Variants in KDM4B observed in about 807,000 individuals in gnomAD.
The protein encoded by KDM4B is lysine-specific demethylase 4B.
Under a neutral mutation model 125.2 loss-of-function variants are expected in KDM4B, and 32 were observed. The observed-to-expected ratio is 0.26, with a 90% confidence interval of 0.19 to 0.34. KDM4B has a LOEUF of 0.34. Ranked by LOEUF, KDM4B falls within the 10% of genes least tolerant of loss-of-function variation. The pLI is 1.00. For missense variants in KDM4B, 1,190 were observed against 1,577.7 expected, an observed-to-expected ratio of 0.75 and a Z score of 4.16; for synonymous variants, 721 against 677.9, an observed-to-expected ratio of 1.06 and a Z score of -0.99.
chr19:5,075,653 G>A (rs1388618640), intron 7 of KDM4B: 1 of 152,192 alleles, frequency 6.6e-6, no homozygotes, highest in Non-Finnish European at 1.5e-5. Context: ...GCTGGTGTGA[G>A]TGCCTGTTTC....
At chr19:5,031,024 T>C (rs916704438) in intron 2 of KDM4B, among the ~76,000 whole-genome samples, 1 of 152,148 alleles carries the variant, frequency 6.6e-6, no homozygotes, top group Admixed American at 6.5e-5. Flanking sequence ...CTGGCCCAGC[T>C]CAGGCCGGCA....
chr19:5,114,185 T>C lies in KDM4B; in HGVS notation c.1115+3367T>C, dbSNP rs1248129811. On this transcript the variant is annotated intron_variant, in intron 10 of 22. Coordinates refer to ENST00000159111, the MANE Select transcript of KDM4B (RefSeq NM_015015.3). The surrounding 1 kb of genome is among the most constrained non-coding windows in gnomAD (Gnocchi z 5.8). ...GCGACGCTCCTCCATGCAAACTCTT[T>C]CCACGCGAGAAGCGCCATGTGCACG... 4 of 1,289,590 alleles carry C rather than the reference T, an allele frequency of 3.1e-6. No individual in the cohort carries two copies. The highest frequency in any genetic ancestry group is 2.3e-5 in the Admixed American group (1 of 43,540). The allele number at this position is 1,289,590 out of a possible 1,614,324, so 79.9% of individuals were successfully genotyped here.
chr19:5,080,433 G>C (rs963786872), intron 8 of KDM4B, among the ~76,000 whole-genome samples: 6 of 152,228 alleles, frequency 3.9e-5, no homozygotes, highest in African/African-American at 1.4e-4. Flanking sequence ...GAGCAGACGC[G>C]TTACGAAGGA....
At position 5,151,326 on chromosome 19, in the gene KDM4B, C is replaced by A; in HGVS notation, c.3115-9C>A. On this transcript the variant is annotated splice_polypyrimidine_tract_variant and intron_variant, in intron 22 of 22. Coordinates refer to ENST00000159111, the MANE Select transcript of KDM4B (RefSeq NM_015015.3). ...CCGTGCTAACCACTGTGCTTCCGCT[C>A]TCCCGCAGTCACTGAGCACGGGGGC... The A allele has an allele frequency of 6.5e-7, 1 of 1,528,414 alleles. No homozygotes were observed. Among genetic ancestry groups the A allele is most frequent in the Middle Eastern group, 2.0e-4 (1 of 4,970 alleles). The allele number at this position is 1,528,414 out of a possible 1,614,324, so 94.7% of individuals were successfully genotyped here. A position where few individuals can be genotyped will look rare whatever the true frequency, so the allele number is the denominator to read the frequency against.
chr19:4,983,657 G>A (rs574892545), intron 1 of KDM4B, among the ~76,000 whole-genome samples: 1 of 152,344 alleles, frequency 6.6e-6, no homozygotes, highest in East Asian at 1.9e-4. Flanking sequence ...CACTGAGGAG[G>A]TGTTTCCGGG....
chr19:5,040,362 C>A (rs1196516782), intron 4 of KDM4B, among the ~76,000 whole-genome samples: 2 of 152,168 alleles, frequency 1.3e-5, no homozygotes, highest in African/African-American at 4.8e-5. Flanking sequence ...GGTACATGCA[C>A]AGGCACACAG....
chr19:5,065,195 G>T (rs1568270512), intron 6 of KDM4B, among the ~76,000 whole-genome samples: 1 of 152,204 alleles, frequency 6.6e-6, no homozygotes, highest in Non-Finnish European at 1.5e-5. Context: ...ACGCTTTCAT[G>T]GAGCCACATG....
intron 2 of KDM4B, 116 bp from the exon 3 acceptor site, chr19:5,032,750 C>T (rs2036498708): frequency 1.0e-6 from 1 of 976,348 alleles, no homozygotes. Context: ...GCCCAGCCGC[C>T]TTTGTCCTCC....
At position 5,035,880 on chromosome 19, in the gene KDM4B, T is replaced by TGTGTGTGTGTGTGTGCGC. The variant is rs58219404; in HGVS notation, c.141+2850_141+2851insTGTGTGTGTGTGTGCGCG. Among the ~76,000 whole-genome samples the TGTGTGTGTGTGTGTGCGC allele has an allele frequency of 3.7e-4, 51 of 136,494 alleles. No individual in the cohort carries two copies. The highest frequency in any genetic ancestry group is 1.1e-3 in the African/African-American group (40 of 37,900). 89.5% of individuals were successfully genotyped at this position (136,494 alleles called of 152,430 possible). A position where few individuals can be genotyped will look rare whatever the true frequency, so the allele number is the denominator to read the frequency against. On this transcript the variant is annotated intron_variant, in intron 3 of 22. Transcript: ENST00000159111. This position sits in a 1 kb window ranked among gnomAD's most constrained non-coding sequence, Gnocchi z 5.3. The stretch of plus-strand genomic sequence containing the variant: ...ACGTGTCTCTGTGTGTGTGTGTGTG[T>TGTGTGTGTGTGTGTGCGC]GCGCGCGCGCGCGCGCCTGCGCGCA...
chr19:5,137,806 G>C (rs765524424), intron 17 of KDM4B, 130 bp downstream of exon 17: 1 of 1,053,654 alleles, frequency 9.5e-7, no homozygotes, highest in East Asian at 2.6e-5. Flanking sequence ...TGTCATGGAT[G>C]GGGTGGCCAG....
intron 9 of KDM4B, among the ~76,000 whole-genome samples, chr19:5,097,107 G>A (rs971245143): frequency 3.3e-5 from 5 of 152,266 alleles, no homozygotes; most frequent in South Asian, 4.2e-4. Flanking sequence ...GCCTGTTCAC[G>A]AAGAAGAGTC....
At chr19:5,041,621 C>T (rs1248835660) in intron 5 of KDM4B, among the ~76,000 whole-genome samples, 4 of 152,234 alleles carry the variant, frequency 2.6e-5, no homozygotes, top group Admixed American at 6.5e-5. Context: ...CTGCTGGATT[C>T]GGCTCCAACC....
At position 5,114,992 on chromosome 19, in the gene KDM4B, C is replaced by G. The variant is rs1002910748; in HGVS notation, c.1115+4174C>G. On this transcript the variant is annotated intron_variant, in intron 10 of 22. Coordinates refer to ENST00000159111, the MANE Select transcript of KDM4B (RefSeq NM_015015.3). This position sits in a 1 kb window ranked among gnomAD's most constrained non-coding sequence, Gnocchi z 5.8. Reference sequence around the variant, plus strand: ...AAGTGCTTATTTATCTCCACTCTCTCCTGAAACGCCACTGAAACACCAGAG... The same window carrying G: ...AAGTGCTTATTTATCTCCACTCTCTGCTGAAACGCCACTGAAACACCAGAG... Among the ~76,000 whole-genome samples, 4 of 152,362 alleles carry G rather than the reference C, an allele frequency of 2.6e-5. No homozygotes were observed. Among genetic ancestry groups the G allele is most frequent in the African/African-American group, 9.6e-5 (4 of 41,580 alleles).
chr19:5,093,898 G>C (rs1049377063), intron 9 of KDM4B, among the ~76,000 whole-genome samples: 1 of 152,224 alleles, frequency 6.6e-6, no homozygotes, highest in Non-Finnish European at 1.5e-5. Context: ...CTGCAGCTGC[G>C]GCCTGGTGTG....
intron 1 of KDM4B, among the ~76,000 whole-genome samples, chr19:4,977,762 G>A (rs1361344946): frequency 6.6e-6 from 1 of 152,216 alleles, no homozygotes; most frequent in Admixed American, 6.5e-5. Context: ...GCCCTCAGCC[G>A]GGACTCAGGA....
intron 6 of KDM4B, among the ~76,000 whole-genome samples, chr19:5,066,091 G>A (rs1568271221): frequency 1.3e-5 from 2 of 152,224 alleles, no homozygotes; most frequent in East Asian, 1.9e-4. Flanking sequence ...AGACTCATGT[G>A]TGTCAGGCCG....
intron 1 of KDM4B, among the ~76,000 whole-genome samples, chr19:4,987,924 G>A (rs1278333504): frequency 3.9e-5 from 6 of 152,146 alleles, no homozygotes; most frequent in Non-Finnish European, 8.8e-5. Flanking sequence ...ATGTGGAGTG[G>A]GGAGATCACT....
At chr19:5,018,803 G>T (rs2035969987) in intron 2 of KDM4B, among the ~76,000 whole-genome samples, 2 of 152,340 alleles carry the variant, frequency 1.3e-5, no homozygotes, top group South Asian at 4.1e-4. Flanking sequence ...ATAGAAATGG[G>T]ATCGCGCACT....
intron 9 of KDM4B, among the ~76,000 whole-genome samples, chr19:5,101,759 C>G (rs2038939814): frequency 1.3e-5 from 2 of 151,608 alleles, no homozygotes; most frequent in African/African-American, 4.8e-5. Flanking sequence ...GAGGGCCTCA[C>G]TCGGTGCTTT....
Sources: allele counts gnomAD v4.1 joint callset (sites outside exome capture counted in the v4.1 genomes callset), GRCh38; gene constraint gnomAD v4.1.1; non-coding constraint Gnocchi (gnomAD v3.1); transcripts MANE v1.5; gene names NCBI Gene and HGNC (gene_info 2026-07-23, HGNC 2026-07-21).